DOCK2: variants seen among roughly 807,000 people sequenced by gnomAD.
DOCK2 encodes the protein dedicator of cytokinesis protein 2.
Under a neutral mutation model 248.9 loss-of-function variants are expected in DOCK2, and 87 were observed. The ratio of observed to expected loss-of-function variants is 0.35; its 90% CI spans 0.29 to 0.42. DOCK2 has a LOEUF of 0.42. Among genes scored for constraint, DOCK2 ranks in the 10% least tolerant of loss-of-function variants. DOCK2 has a pLI of 1.00. For missense variants in DOCK2, 1,747 were observed against 2,300.2 expected, an observed-to-expected ratio of 0.76 and a Z score of 4.92; for synonymous variants, 805 against 821.6, an observed-to-expected ratio of 0.98 and a Z score of 0.35.
chr5:169,843,426 G>T (rs559868823), intron 27 of DOCK2, among the ~76,000 whole-genome samples: 18 of 152,336 alleles, frequency 1.2e-4, no homozygotes, highest in African/African-American at 4.1e-4. Flanking sequence ...GGAGGCTGAG[G>T]CAGGAGAATG....
chr5:169,667,282 GCCAA>G (rs1438902362), intron 2 of DOCK2, among the ~76,000 whole-genome samples: 1 of 152,162 alleles, frequency 6.6e-6, no homozygotes, highest in Non-Finnish European at 1.5e-5. Flanking sequence ...AGACAATGTG[GCCAA>G]CCAGCTTTAA....
At chr5:169,979,748 G>T (rs1425866082) in intron 27 of DOCK2, among the ~76,000 whole-genome samples, 4 of 152,148 alleles carry the variant, frequency 2.6e-5, no homozygotes, top group African/African-American at 9.7e-5. Context: ...CACGCAACCG[G>T]GTTTTTCTAC....
chr5:169,977,506 GT>G (rs1777757628), intron 27 of DOCK2, among the ~76,000 whole-genome samples: 1 of 152,226 alleles, frequency 6.6e-6, no homozygotes, highest in Non-Finnish European at 1.5e-5. Context: ...ACAGTGTGAA[GT>G]AAGGAATATT....
chr5:169,838,318 G>A lies in DOCK2; in HGVS notation c.2704-2439G>A, dbSNP rs148820301. 9.6e-4 allele frequency among the ~76,000 whole-genome samples: 146 copies of A among 152,236 alleles called. 1 individual carries two copies. The highest frequency in any genetic ancestry group is 3.3e-3 in the African/African-American group (135 of 41,532). On this transcript the variant is annotated intron_variant, in intron 26 of 51. Coordinates refer to ENST00000520908, the MANE Select transcript of DOCK2 (RefSeq NM_004946.3). ...TTGAATCCTTTCTCCCTTCCTCACT[G>A]GGTGACCCTGGATGAATTACTTAAC...
intron 10 of DOCK2, among the ~76,000 whole-genome samples, 157 bp from the exon 11 acceptor site, chr5:169,698,217 C>CT (rs1349019174): frequency 6.6e-6 from 1 of 152,218 alleles, no homozygotes; most frequent in Non-Finnish European, 1.5e-5. Context: ...CCTCTGCTGT[C>CT]TGAGTGTTGT....
chr5:170,031,004 G>A (rs1487054372), intron 34 of DOCK2, among the ~76,000 whole-genome samples: 1 of 152,216 alleles, frequency 6.6e-6, no homozygotes, highest in Non-Finnish European at 1.5e-5. Context: ...TCTGCGCAGT[G>A]CACAAGCTAT....
At chr5:169,877,315 G>C (rs1041715353) in intron 27 of DOCK2, among the ~76,000 whole-genome samples, 1 of 152,184 alleles carries the variant, frequency 6.6e-6, no homozygotes, top group African/African-American at 2.4e-5. Context: ...AATCTGCATG[G>C]AGGATTACTT....
intron 27 of DOCK2, chr5:169,884,106 C>A (rs1772834075): frequency 7.3e-6 from 3 of 412,614 alleles, no homozygotes; most frequent in Non-Finnish European, 1.3e-5. Flanking sequence ...GCTTTCCCTG[C>A]AGTTAAAATA....
chr5:170,066,967 TG>T (rs1488435316), intron 44 of DOCK2, among the ~76,000 whole-genome samples: 3 of 152,250 alleles, frequency 2.0e-5, no homozygotes, highest in African/African-American at 7.2e-5. Context: ...CTGCACTTTT[TG>T]CCGGTTAGCT....
intron 2 of DOCK2, among the ~76,000 whole-genome samples, chr5:169,656,914 T>C (rs1173243223): frequency 6.6e-6 from 1 of 152,182 alleles, no homozygotes. Flanking sequence ...CTTTATCCTT[T>C]CTTTGGTTCT....
chr5:169,990,346 G>A (rs925745968), intron 29 of DOCK2, among the ~76,000 whole-genome samples: 4 of 152,122 alleles, frequency 2.6e-5, no homozygotes, highest in African/African-American at 7.2e-5. Context: ...TGACTCACCT[G>A]CCTCAGCCTC....
chr5:169,772,682 GATA>G (rs1313718957), intron 25 of DOCK2, among the ~76,000 whole-genome samples: 3 of 152,178 alleles, frequency 2.0e-5, no homozygotes, highest in African/African-American at 7.2e-5. Context: ...GCTTCACAGT[GATA>G]ATAATTCTGA....
intron 22 of DOCK2, among the ~76,000 whole-genome samples, chr5:169,730,916 C>G (rs1391624167): frequency 6.6e-6 from 1 of 152,058 alleles, no homozygotes; most frequent in Non-Finnish European, 1.5e-5. Flanking sequence ...AGGTCTTGCT[C>G]TGTTGCACAG....
chr5:169,965,095 T>C (rs1429020433), intron 27 of DOCK2, among the ~76,000 whole-genome samples: 1 of 152,190 alleles, frequency 6.6e-6, no homozygotes. Flanking sequence ...CCATCATCCA[T>C]TGCTGCACAT....
intron 26 of DOCK2, among the ~76,000 whole-genome samples, chr5:169,815,457 T>G (rs1179415223): frequency 6.6e-6 from 1 of 152,154 alleles, no homozygotes; most frequent in Non-Finnish European, 1.5e-5. Context: ...ACTCCCTCCT[T>G]CCTATCCTCA....
intron 22 of DOCK2, among the ~76,000 whole-genome samples, chr5:169,726,055 G>A (rs188559650): frequency 2.1e-4 from 32 of 152,116 alleles, no homozygotes; most frequent in African/African-American, 6.7e-4. Flanking sequence ...TGGTGTTTCT[G>A]GTTCTAGATC....
At chr5:169,981,978 G>A (rs1161068164) in intron 27 of DOCK2, among the ~76,000 whole-genome samples, 1 of 151,528 alleles carries the variant, frequency 6.6e-6, no homozygotes, top group African/African-American at 2.4e-5. Flanking sequence ...ATATCTTCAA[G>A]GTATGCCTGT....
chr5:170,000,390 CTT>C (rs1308123974), intron 30 of DOCK2: 3 of 152,196 alleles, frequency 2.0e-5, no homozygotes, highest in Admixed American at 6.5e-5. Context: ...AATTGATTGA[CTT>C]TTCTGTTAAA....
intron 13 of DOCK2, 100 bp from the exon 14 acceptor site, chr5:169,702,203 G>A (rs1761008444): frequency 1.4e-6 from 2 of 1,440,440 alleles, no homozygotes; most frequent in Non-Finnish European, 9.4e-7. Context: ...TACCAATCCA[G>A]GTGGGAGAGC....
Sources: gnomAD v4.1 joint callset for allele counts (sites outside exome capture counted in the v4.1 genomes callset) on GRCh38, gnomAD v4.1.1 for gene constraint, MANE v1.5 for transcripts, NCBI Gene and HGNC (gene_info 2026-07-23, HGNC 2026-07-21) for gene names.